Variants in DACH1 observed in about 807,000 individuals in gnomAD.
The protein encoded by DACH1 is dachshund family transcription factor 1, also known as dachshund homolog 1.
DACH1 carries 12 observed loss-of-function variants against 54.2 expected under a neutral mutation model. That is an observed-to-expected ratio of 0.22 (90% CI 0.14 to 0.36). The LOEUF (loss-of-function observed/expected upper bound fraction) is 0.36, where lower values mean the gene tolerates loss of function less well. Ranked by LOEUF, DACH1 falls within the 10% of genes least tolerant of loss-of-function variation. DACH1 has a pLI of 1.00. For synonymous variants in DACH1, 386 were observed against 366.2 expected (o/e 1.05, Z -0.62); for missense variants, 805 against 929.8 (o/e 0.87, Z 1.75).
intron 2 of DACH1, among the ~76,000 whole-genome samples, chr13:71,672,973 C>A (rs969757805): frequency 1.3e-5 from 2 of 152,218 alleles, no homozygotes; most frequent in Admixed American, 6.5e-5. Flanking sequence ...TAAAAGGAAG[C>A]AAATAATACC....
chr13:71,491,365 A>G (rs1196839349), intron 6 of DACH1, among the ~76,000 whole-genome samples: 1 of 152,120 alleles, frequency 6.6e-6, no homozygotes, highest in Non-Finnish European at 1.5e-5. Flanking sequence ...TAGCAGTAAA[A>G]TTCTGTATAT....
At chr13:71,648,937 T>G (rs1276792215) in intron 2 of DACH1, among the ~76,000 whole-genome samples, 1 of 152,126 alleles carries the variant, frequency 6.6e-6, no homozygotes, top group Non-Finnish European at 1.5e-5. Flanking sequence ...ATGGCAATAA[T>G]AACATAAATC....
intron 2 of DACH1, among the ~76,000 whole-genome samples, chr13:71,681,204 C>T: frequency 6.6e-6 from 1 of 152,046 alleles, no homozygotes; most frequent in East Asian, 1.9e-4. Flanking sequence ...TAATTTTGCT[C>T]CAGTGCATTA....
chr13:71,828,011 G>C (rs1340458193), intron 1 of DACH1, among the ~76,000 whole-genome samples: 1 of 151,894 alleles, frequency 6.6e-6, no homozygotes, highest in Non-Finnish European at 1.5e-5. Context: ...GATAGCTTTT[G>C]ATTAACTAAG....
At chr13:71,484,102 A>T (rs1419026152) in intron 7 of DACH1, among the ~76,000 whole-genome samples, 2 of 152,144 alleles carry the variant, frequency 1.3e-5, no homozygotes, top group African/African-American at 4.8e-5. Flanking sequence ...CCTAGATACC[A>T]TGGTTGGATT....
intron 2 of DACH1, among the ~76,000 whole-genome samples, chr13:71,639,690 C>T (rs1274078615): frequency 6.6e-6 from 1 of 151,936 alleles, no homozygotes; most frequent in Non-Finnish European, 1.5e-5. Flanking sequence ...AGAAGGAACA[C>T]CATAGGGAAG....
intron 1 of DACH1, among the ~76,000 whole-genome samples, chr13:71,754,069 T>C (rs1216375368): frequency 6.6e-6 from 1 of 152,228 alleles, no homozygotes; most frequent in Non-Finnish European, 1.5e-5. Flanking sequence ...CTATACATCA[T>C]CCACTGGAGT....
intron 1 of DACH1, among the ~76,000 whole-genome samples, chr13:71,822,992 A>G (rs1230274675): frequency 6.6e-6 from 1 of 152,168 alleles, no homozygotes; most frequent in African/African-American, 2.4e-5. Flanking sequence ...CAGAAAATGT[A>G]CCTTTGAGGG....
chr13:71,704,177 C>T, intron 1 of DACH1: 1 of 218,940 alleles, frequency 4.6e-6, no homozygotes, highest in Non-Finnish European at 9.1e-6. Flanking sequence ...AGTAATTCAT[C>T]AAAATGAGAA....
At chr13:71,697,006 C>T (rs1881868786) in intron 1 of DACH1, among the ~76,000 whole-genome samples, 1 of 152,134 alleles carries the variant, frequency 6.6e-6, no homozygotes, top group Non-Finnish European at 1.5e-5. Flanking sequence ...CATGTCTCAC[C>T]TTCCCCAACC....
At chr13:71,864,503 A>AT (rs1874583715) in intron 1 of DACH1, among the ~76,000 whole-genome samples, 1 of 151,526 alleles carries the variant, frequency 6.6e-6, no homozygotes, top group Admixed American at 6.6e-5. Context: ...GCACACACTA[A>AT]CTCCGCTCCT....
At chr13:71,730,301 T>A (rs937090340) in intron 1 of DACH1, among the ~76,000 whole-genome samples, 2 of 152,142 alleles carry the variant, frequency 1.3e-5, no homozygotes, top group African/African-American at 4.8e-5. Context: ...TACCAGCCTA[T>A]TCTATTCTGT....
intron 1 of DACH1, among the ~76,000 whole-genome samples, chr13:71,752,016 A>G (rs1884948888): frequency 1.3e-5 from 2 of 152,272 alleles, no homozygotes; most frequent in South Asian, 4.1e-4. Flanking sequence ...CCTTTATAGT[A>G]AGTGTGATAT....
chr13:71,700,172 A>G (rs1476986860), intron 1 of DACH1, among the ~76,000 whole-genome samples: 1 of 152,184 alleles, frequency 6.6e-6, no homozygotes, highest in African/African-American at 2.4e-5. Flanking sequence ...GCTGAAGTCA[A>G]TGGAGCTAGC....
intron 1 of DACH1, among the ~76,000 whole-genome samples, chr13:71,792,454 G>A (rs58385788): frequency 0.024 from 3,692 of 151,968 alleles, 141 homozygotes; most frequent in African/African-American, 0.082. Context: ...GGTGGCTAAC[G>A]GTTCCTATTT....
chr13:71,794,981 C>G (rs961346817), intron 1 of DACH1, among the ~76,000 whole-genome samples: 1 of 151,512 alleles, frequency 6.6e-6, no homozygotes, highest in African/African-American at 2.4e-5. Context: ...TATACTCAAA[C>G]CATAGCCAAA....
chr13:71,787,188 A>G (rs573031036), intron 1 of DACH1, among the ~76,000 whole-genome samples: 1 of 152,326 alleles, frequency 6.6e-6, no homozygotes, highest in Non-Finnish European at 1.5e-5. Flanking sequence ...CAGCAAACAA[A>G]AGGGAAAACT....
intron 6 of DACH1, among the ~76,000 whole-genome samples, chr13:71,550,256 A>G (rs1883722604): frequency 6.6e-6 from 1 of 152,172 alleles, no homozygotes; most frequent in South Asian, 2.1e-4. Flanking sequence ...ATATGCATCA[A>G]GCACTCCAGA....
chr13:71,618,224 G>A (rs190143721), intron 3 of DACH1, among the ~76,000 whole-genome samples: 1 of 152,194 alleles, frequency 6.6e-6, no homozygotes, highest in East Asian at 1.9e-4. Flanking sequence ...TTATATTGAA[G>A]TGATCATTTT....
Sources: allele counts gnomAD v4.1 joint callset (sites outside exome capture counted in the v4.1 genomes callset), GRCh38; gene constraint gnomAD v4.1.1; transcripts MANE v1.5; gene names NCBI Gene and HGNC (gene_info 2026-07-23, HGNC 2026-07-21).